ADGRA2: variants seen among roughly 807,000 people sequenced by gnomAD.
ADGRA2 encodes G-protein coupled receptor 124.
ADGRA2 carries 61 observed loss-of-function variants against 98.7 expected under a neutral mutation model. The ratio of observed to expected loss-of-function variants is 0.62; its 90% confidence interval spans 0.50 to 0.76. The LOEUF is 0.76. Among genes scored for constraint, ADGRA2 ranks in the 30% least tolerant of loss-of-function variants. The probability of loss-of-function intolerance (pLI) is 0.00; values close to 1 mark genes in which losing one functional copy is unlikely to be tolerated. For missense variants in ADGRA2, 1,712 were observed against 1,860.0 expected (o/e 0.92, Z 1.46); for synonymous variants, 858 against 831.5 (o/e 1.03, Z -0.55).
At position 37,844,410 on chromosome 8, in the gene ADGRA2, G is replaced by C; in HGVS notation, c.*2055G>C. ...CAAGAAAAGCAATACCTACGGACTG[G>C]TGTACACTTCCATCCTTGGTTATAA... On this transcript the variant is annotated 3_prime_UTR_variant, in exon 19 of 19. Coordinates refer to ENST00000412232, the MANE Select transcript of ADGRA2 (RefSeq NM_032777.10). 3 of 1,543,320 alleles carry C rather than the reference G, an allele frequency of 1.9e-6. No individual in the cohort carries two copies. Among genetic ancestry groups the C allele is most frequent in the Non-Finnish European group, 2.6e-6 (3 of 1,135,402 alleles).
At position 37,844,766 on chromosome 8, in the gene ADGRA2, C is replaced by G. The variant is rs140990437; in HGVS notation, c.*2411C>G. ...CCCCTTCTCCTTGCCCCTGTCCCCA[C>G]CCCGGTGGCTCCTTCTCTCGGGTCT... is the stretch of plus-strand genomic sequence containing the variant. On this transcript the variant is annotated 3_prime_UTR_variant, in exon 19 of 19. Coordinates refer to ENST00000412232, the MANE Select transcript of ADGRA2 (RefSeq NM_032777.10). The G allele has an allele frequency of 9.3e-6, 15 of 1,614,060 alleles. No individual in the cohort carries two copies. The highest frequency in any genetic ancestry group is 1.3e-5 in the Non-Finnish European group (15 of 1,180,000).
At chr8:37,821,702 C>T (rs568692246) in intron 2 of ADGRA2, among the ~76,000 whole-genome samples, 6 of 152,280 alleles carry the variant, frequency 3.9e-5, no homozygotes, top group South Asian at 2.1e-4. Context: ...GGCTCGTGCA[C>T]GGCTAAAGGA....
intron 2 of ADGRA2, among the ~76,000 whole-genome samples, chr8:37,827,729 C>A (rs1241188517): frequency 6.6e-6 from 1 of 152,242 alleles, no homozygotes. Context: ...AGGACTTACA[C>A]CCCTGCCCTG....
chr8:37,815,308 G>C (rs1034697602), intron 2 of ADGRA2, among the ~76,000 whole-genome samples: 4 of 152,230 alleles, frequency 2.6e-5, no homozygotes, highest in African/African-American at 9.6e-5. Flanking sequence ...CAGCATAAAA[G>C]GGCGGAGGGC....
chr8:37,832,512 C>T (rs4976889), intron 8 of ADGRA2, among the ~76,000 whole-genome samples: 108,184 of 151,966 alleles, frequency 0.71, 38,833 homozygotes, highest in East Asian at 0.85. Context: ...ATTGTGTTAT[C>T]TTCTGTAGAG....
Position 37,797,309 on chromosome 8 carries a change from G to T in ADGRA2, c.41G>T (p.Arg14Leu). The change falls in exon 1 of 19, where the codon CGC becomes CTC. Residue 14 changes from arginine (R) to leucine (L), a missense_variant. Transcript: ENST00000412232. This position sits in a 1 kb window ranked among gnomAD's most constrained non-coding sequence, Gnocchi z 5.3. ...GGRRMRGAPA[R>L]LLLPLLPWLL... ...CGCAGGATGCGGGGGGCGCCCGCGCGCCTGCTGCTGCCGCTGCTGCCGTGG... is the reference window on the plus strand; with the variant it reads ...CGCAGGATGCGGGGGGCGCCCGCGCTCCTGCTGCTGCCGCTGCTGCCGTGG... 4 of 1,319,744 alleles carry T rather than the reference G, an allele frequency of 3.0e-6. No individual in the cohort carries two copies. The highest frequency in any genetic ancestry group is 4.1e-5 in the Admixed American group (1 of 24,212). The allele number at this position is 1,319,744 out of a possible 1,614,324, so 81.8% of individuals were successfully genotyped here. A position where few individuals can be genotyped will look rare whatever the true frequency, so the allele number is the denominator to read the frequency against.
At chr8:37,809,024 T>TGTTG (rs1804752831) in intron 1 of ADGRA2, among the ~76,000 whole-genome samples, 2 of 152,152 alleles carry the variant, frequency 1.3e-5, no homozygotes, top group Non-Finnish European at 2.9e-5. Context: ...GATTTCACCA[T>TGTTG]GTTGGCTAGG....
Position 37,841,659 on chromosome 8 carries a change from C to G in ADGRA2, c.3321C>G (p.Ser1107=), listed in dbSNP as rs1021771202. 19 of 1,528,382 alleles carry G rather than the reference C, an allele frequency of 1.2e-5. No individual in the cohort carries two copies. The highest frequency in any genetic ancestry group is 1.6e-5 in the Non-Finnish European group (18 of 1,137,492). 94.7% of individuals were successfully genotyped at this position (1,528,382 alleles called of 1,614,324 possible). ...RALPAAAEDG[S]PVFGEGPPSL... is the part of the protein sequence containing the mutation. Reference sequence around the variant, plus strand: ...TGCCCGCCGCCGCAGAGGACGGTTCCCCGGTGTTCGGGGAGGGCCCCCCCT... The same window carrying G: ...TGCCCGCCGCCGCAGAGGACGGTTCGCCGGTGTTCGGGGAGGGCCCCCCCT... The change falls in exon 19 of 19, where the codon TCC becomes TCG. Residue 1107 remains serine (S), a synonymous_variant. Transcript: ENST00000412232. This position sits in a 1 kb window ranked among gnomAD's most constrained non-coding sequence, Gnocchi z 5.0.
At chr8:37,817,702 G>A (rs971999639) in intron 2 of ADGRA2, among the ~76,000 whole-genome samples, 2 of 149,762 alleles carry the variant, frequency 1.3e-5, no homozygotes, top group African/African-American at 4.9e-5. Context: ...GTGAGACCCT[G>A]TCTCTCTAAA....
rs1159430724 is a variant in ADGRA2, at chr8:37,844,274, C to A, written c.*1919C>A. On this transcript the variant is annotated 3_prime_UTR_variant, in exon 19 of 19. Coordinates refer to ENST00000412232, the MANE Select transcript of ADGRA2 (RefSeq NM_032777.10). ...AACATGGACATAGGCAACTTGCTCTCCCACACCAAGGGATGGGAATCTCTC... is the reference window on the plus strand; with the variant it reads ...AACATGGACATAGGCAACTTGCTCTACCACACCAAGGGATGGGAATCTCTC... 1.0e-5 allele frequency: 6 copies of A among 590,268 alleles called. No individual in the cohort carries two copies. Among genetic ancestry groups the A allele is most frequent in the Non-Finnish European group, 1.8e-5 (6 of 331,602 alleles). The allele number at this position is 590,268 out of a possible 1,614,324, so 36.6% of individuals were successfully genotyped here.
In ADGRA2 at chr8:37,842,052, G is replaced by C; in HGVS notation, c.3714G>C (p.Pro1238=). Residue 1238 remains proline, a synonymous_variant, in exon 19 of 19, where the codon CCG becomes CCC. Coordinates refer to ENST00000412232, the MANE Select transcript of ADGRA2 (RefSeq NM_032777.10). ...DSYLGSSRNS[P]GAGLQLEGEP... Reference sequence around the variant, plus strand: ...ACCTGGGCAGCAGCCGCAACAGCCCGGGCGCCGGCCTGCAGCTGGAAGGCG... The same window carrying C: ...ACCTGGGCAGCAGCCGCAACAGCCCCGGCGCCGGCCTGCAGCTGGAAGGCG... The C allele has an allele frequency of 1.3e-6, 2 of 1,517,520 alleles. No individual in the cohort carries two copies. The highest frequency in any genetic ancestry group is 1.8e-6 in the Non-Finnish European group (2 of 1,140,228). 94.0% of individuals were successfully genotyped at this position (1,517,520 alleles called of 1,614,324 possible). A position where few individuals can be genotyped will look rare whatever the true frequency, so the allele number is the denominator to read the frequency against.
intron 9 of ADGRA2, among the ~76,000 whole-genome samples, 173 bp downstream of exon 9, chr8:37,833,381 A>G (rs758744313): frequency 6.6e-6 from 1 of 152,184 alleles, no homozygotes; most frequent in Non-Finnish European, 1.5e-5. Flanking sequence ...TCTGCTATTC[A>G]GACCCACTGA....
chr8:37,832,824 G>A (rs557714635), intron 8 of ADGRA2, among the ~76,000 whole-genome samples, 186 bp from the exon 9 acceptor site: 9 of 152,208 alleles, frequency 5.9e-5, no homozygotes, highest in East Asian at 1.9e-4. Flanking sequence ...GCCCCCTATC[G>A]CCTGTGATAG....
intron 1 of ADGRA2, among the ~76,000 whole-genome samples, chr8:37,808,441 A>G (rs906293589): frequency 6.6e-6 from 1 of 152,082 alleles, no homozygotes; most frequent in African/African-American, 2.4e-5. Context: ...TCTGTGTTGG[A>G]TGGAGCTGTG....
Position 37,838,956 on chromosome 8 carries a change from G to A in ADGRA2, c.2260G>A (p.Glu754Lys). The stretch of plus-strand genomic sequence containing the variant: ...CGTCCTCCTTCCTGCCCTTTCCCAG[G>A]AGCTGAGCGCCTTTCCCAGGGAGGT... Reference protein sequence around the residue: ...QHLGNVAVLMELSAFPREVGG... With the variant: ...QHLGNVAVLMKLSAFPREVGG... The change falls in exon 15 of 19, where the codon GAG (glutamate) becomes AAG (lysine). Residue 754 changes from glutamate (E) to lysine (K), a missense_variant and splice_region_variant. Physicochemically the swap from Glu to Lys is moderately conservative, Grantham distance 56. Coordinates refer to ENST00000412232, the MANE Select transcript of ADGRA2 (RefSeq NM_032777.10). 6.4e-7 allele frequency: 1 copy of A among 1,564,850 alleles called. No homozygotes were observed. Among genetic ancestry groups the A allele is most frequent in the Non-Finnish European group, 8.6e-7 (1 of 1,156,974 alleles).
At position 37,824,864 on chromosome 8, in the gene ADGRA2, G is replaced by A. The variant is rs538949210; in HGVS notation, c.339-4024G>A. ...TCTGCTTTGTTTCCTATTTCACCCC[G>A]TTTTGCTTTTTCTGAACTTTTATTC... On this transcript the variant is annotated intron_variant, in intron 2 of 18. Coordinates refer to ENST00000412232, the MANE Select transcript of ADGRA2 (RefSeq NM_032777.10). 4.0e-4 allele frequency among the ~76,000 whole-genome samples: 61 copies of A among 152,170 alleles called. 2 individuals are homozygous for A. The South Asian group carries it at 9.3e-3, about 23-fold the overall frequency.
intron 1 of ADGRA2, among the ~76,000 whole-genome samples, chr8:37,811,634 G>A (rs1464189760): frequency 2.0e-5 from 3 of 149,020 alleles, no homozygotes; most frequent in Non-Finnish European, 3.0e-5. Context: ...GCACCACCAC[G>A]CCTGGCTAAT....
At chr8:37,833,901 T>C (rs1387790767) in intron 10 of ADGRA2, 64 bp downstream of exon 10, 5 of 1,606,130 alleles carry the variant, frequency 3.1e-6, no homozygotes, top group African/African-American at 2.7e-5. Context: ...CTCAAGCCTC[T>C]CTCTCACTCC....
At chr8:37,801,396 T>C (rs1020573641) in intron 1 of ADGRA2, among the ~76,000 whole-genome samples, 14 of 152,032 alleles carry the variant, frequency 9.2e-5, no homozygotes, top group African/African-American at 3.4e-4. Flanking sequence ...AGGGAAAAGG[T>C]CCCACGGGGG....
Sources: allele counts gnomAD v4.1 joint callset (sites outside exome capture counted in the v4.1 genomes callset), GRCh38; gene constraint gnomAD v4.1.1; non-coding constraint Gnocchi (gnomAD v3.1); transcripts MANE v1.5; gene names NCBI Gene and HGNC (gene_info 2026-07-23, HGNC 2026-07-21).